Variants in DHRSX observed in about 807,000 individuals in gnomAD.
DHRSX encodes dehydrogenase/reductase X-linked, also known as polyprenol dehydrogenase.
In DHRSX, 31 loss-of-function variants were observed where a neutral mutation model predicts 34.0. That is an observed-to-expected ratio of 0.91 (90% CI 0.69 to 1.23). The LOEUF is 1.23. Among genes scored for constraint, DHRSX ranks in the 50% most tolerant of loss-of-function variants. The probability of loss-of-function intolerance (pLI) is 0.00; values close to 1 mark genes in which losing one functional copy is unlikely to be tolerated. For synonymous variants in DHRSX, 201 were observed against 183.8 expected, an observed-to-expected ratio of 1.09 and a Z score of -0.76; for missense variants, 414 against 428.1, an observed-to-expected ratio of 0.97 and a Z score of 0.29.
At chrX:2,239,805 G>C (rs1240251772) in intron 6 of DHRSX, among the ~76,000 whole-genome samples, 1 of 151,860 alleles carries the variant, frequency 6.6e-6, no homozygotes, top group East Asian at 1.9e-4. Flanking sequence ...TAAAAAAACA[G>C]CAAATGCTCT....
chrX:2,391,506 TG>T (rs1263179193), intron 3 of DHRSX, among the ~76,000 whole-genome samples: 2 of 151,932 alleles, frequency 1.3e-5, no homozygotes, highest in Non-Finnish European at 2.9e-5. Flanking sequence ...GGCAGGGGAC[TG>T]GGGGAAAAAA....
intron 1 of DHRSX, among the ~76,000 whole-genome samples, chrX:2,478,670 G>A (rs192174758): frequency 2.0e-5 from 3 of 151,498 alleles, no homozygotes; most frequent in Admixed American, 6.6e-5. Flanking sequence ...GACTGCCACC[G>A]TGTATGCACT....
intron 3 of DHRSX, among the ~76,000 whole-genome samples, chrX:2,304,212 G>GATGGATAA (rs2042068521): frequency 7.6e-6 from 1 of 130,994 alleles, no homozygotes; most frequent in African/African-American, 3.2e-5. Flanking sequence ...TAAATGGATG[G>GATGGATAA]ATGGATGGAT....
intron 3 of DHRSX, among the ~76,000 whole-genome samples, chrX:2,338,516 G>A (rs1005424989): frequency 2.6e-5 from 4 of 151,786 alleles, no homozygotes; most frequent in Non-Finnish European, 5.9e-5. Context: ...TTTGAGCAAC[G>A]GACGATGGAT....
chrX:2,274,192 G>T (rs958133042), intron 4 of DHRSX, among the ~76,000 whole-genome samples: 1 of 150,136 alleles, frequency 6.7e-6, no homozygotes, highest in Non-Finnish European at 1.5e-5. Context: ...CACCTGCCCC[G>T]ATGGCCAGCT....
chrX:2,350,208 G>A lies in DHRSX; in HGVS notation c.286+58537C>T, dbSNP rs781140689. Among the ~76,000 whole-genome samples, 45 of 151,628 alleles carry A rather than the reference G, an allele frequency of 3.0e-4. No individual in the cohort carries two copies. In the East Asian group the frequency reaches 5.1e-3, roughly 17 times the overall value. ...CTACTAAGAAGTACAAAAATTAGCCGGGCATGGTGGCGGGTGCCTGTAGTC... is the reference window on the plus strand; with the variant it reads ...CTACTAAGAAGTACAAAAATTAGCCAGGCATGGTGGCGGGTGCCTGTAGTC... On this transcript the variant is annotated intron_variant, in intron 3 of 6. Transcript: ENST00000334651.
intron 6 of DHRSX, among the ~76,000 whole-genome samples, chrX:2,231,607 T>G (rs2015882990): frequency 2.5e-5 from 1 of 40,516 alleles, no homozygotes; most frequent in Non-Finnish European, 4.3e-5. Flanking sequence ...CTTTTTTCCC[T>G]TATTCTCCTT....
chrX:2,445,580 A>T (rs1308902993), intron 1 of DHRSX, among the ~76,000 whole-genome samples: 3 of 152,136 alleles, frequency 2.0e-5, no homozygotes, highest in Non-Finnish European at 4.4e-5. Context: ...ACTTTCCCTA[A>T]GAATGCGGCC....
chrX:2,316,389 G>A (rs2042241922), intron 3 of DHRSX, among the ~76,000 whole-genome samples: 2 of 152,096 alleles, frequency 1.3e-5, no homozygotes, highest in Middle Eastern at 3.4e-3. Flanking sequence ...CTGTCTCTAC[G>A]AAAAATACAA....
At chrX:2,401,482 C>G (rs950178143) in intron 3 of DHRSX, among the ~76,000 whole-genome samples, 1 of 152,116 alleles carries the variant, frequency 6.6e-6, no homozygotes, top group Non-Finnish European at 1.5e-5. Flanking sequence ...ATGAGGACAC[C>G]GTGCACCTTC....
At chrX:2,329,489 A>T (rs760733433) in intron 3 of DHRSX, among the ~76,000 whole-genome samples, 1 of 152,250 alleles carries the variant, frequency 6.6e-6, no homozygotes, top group Non-Finnish European at 1.5e-5. Context: ...GCAATGATAG[A>T]AGAGGTCGAA....
chrX:2,464,946 G>C (rs2044468939), intron 1 of DHRSX, among the ~76,000 whole-genome samples: 1 of 149,960 alleles, frequency 6.7e-6, no homozygotes, highest in Non-Finnish European at 1.5e-5. Context: ...CTGCCACTGT[G>C]TAAATACTTA....
chrX:2,298,534 C>T (rs2041962805), intron 3 of DHRSX, among the ~76,000 whole-genome samples: 1 of 149,690 alleles, frequency 6.7e-6, no homozygotes, highest in Admixed American at 6.6e-5. Context: ...GACACATTTC[C>T]TGGTCTGAAG....
At chrX:2,259,859 G>T (rs1424583836) in intron 5 of DHRSX, among the ~76,000 whole-genome samples, 3 of 151,106 alleles carry the variant, frequency 2.0e-5, no homozygotes, top group African/African-American at 7.3e-5. Flanking sequence ...GTGGATTTAG[G>T]ACCTACCCTA....
At position 2,283,100 on chromosome X, in the gene DHRSX, G is replaced by GA. The variant is rs371909298; in HGVS notation, c.388+8401dup. Among the ~76,000 whole-genome samples, 196 of 151,974 alleles carry GA rather than the reference G, an allele frequency of 1.3e-3. 1 individual carries two copies. Among genetic ancestry groups the GA allele is most frequent in the African/African-American group, 4.5e-3 (185 of 41,438 alleles). On this transcript the variant is annotated intron_variant, in intron 4 of 6. Coordinates refer to ENST00000334651, the MANE Select transcript of DHRSX (RefSeq NM_145177.3). ...AGAGGAGAAAAGCATTTGAGTAACT[G>GA]AAAAACCACTGCTTCTCAACCCACT...
chrX:2,221,138 T>C lies in DHRSX; in HGVS notation c.896A>G (p.Glu299Gly). Residue 299 changes from glutamate (E) to glycine (G), a missense_variant, in exon 7 of 7, where the codon GAG (glutamate) becomes GGG (glycine). Transcript: ENST00000334651. ...GTAGGTGACGTGGAGGGACTTGGTC[T>C]CTTTCTCGTTGTATAGGTAATGGCC... ...VGGHYLYNEK[E>G]TKSLHVTYNQ... 1 of 1,613,904 alleles carries C rather than the reference T, an allele frequency of 6.2e-7. No homozygotes were observed. Among genetic ancestry groups the C allele is most frequent in the Non-Finnish European group, 8.5e-7 (1 of 1,179,836 alleles).
chrX:2,378,867 G>C (rs1420964209), intron 3 of DHRSX, among the ~76,000 whole-genome samples: 1 of 152,016 alleles, frequency 6.6e-6, no homozygotes, highest in Non-Finnish European at 1.5e-5. Context: ...AGACGGGGTA[G>C]CCCCATGATG....
chrX:2,359,796 G>A (rs908377017), intron 3 of DHRSX, among the ~76,000 whole-genome samples: 4 of 152,112 alleles, frequency 2.6e-5, no homozygotes, highest in East Asian at 1.9e-4. Flanking sequence ...AGCTGGAGGC[G>A]ATTATCCTCA....
intron 6 of DHRSX, among the ~76,000 whole-genome samples, chrX:2,238,710 A>G (rs920351211): frequency 6.6e-6 from 1 of 150,630 alleles, no homozygotes; most frequent in African/African-American, 2.4e-5. Context: ...CAGCCTCCCG[A>G]GTAGCTGGAA....
Sources: gnomAD v4.1 joint callset for allele counts (sites outside exome capture counted in the v4.1 genomes callset) on GRCh38, gnomAD v4.1.1 for gene constraint, MANE v1.5 for transcripts, NCBI Gene and HGNC (gene_info 2026-07-23, HGNC 2026-07-21) for gene names.